The following NEGR1 variants were observed in gnomAD, a reference collection of about 807,000 sequenced individuals.
NEGR1 encodes the protein neuronal growth regulator 1.
NEGR1 carries 10 observed loss-of-function variants against 40.9 expected under a neutral mutation model. That is an observed-to-expected ratio of 0.24 (90% confidence interval 0.15 to 0.42). NEGR1 has a LOEUF of 0.42. Ranked by LOEUF, NEGR1 falls within the 10% of genes least tolerant of loss-of-function variation. The probability of loss-of-function intolerance (pLI) is 1.00; values close to 1 mark genes in which losing one functional copy is unlikely to be tolerated. For missense variants in NEGR1, 352 were observed against 438.9 expected, an observed-to-expected ratio of 0.80 and a Z score of 1.77; for synonymous variants, 185 against 166.8, an observed-to-expected ratio of 1.11 and a Z score of -0.84.
intron 3 of NEGR1, among the ~76,000 whole-genome samples, chr1:71,729,234 C>G (rs536863410): frequency 2.6e-5 from 4 of 152,188 alleles, no homozygotes; most frequent in Admixed American, 1.3e-4. Context: ...TCTGCCTTTA[C>G]AGCTTTGTTC....
At chr1:71,928,145 CACACATATGTATATACGT>C in intron 2 of NEGR1, among the ~76,000 whole-genome samples, 1 of 63,578 alleles carries the variant, frequency 1.6e-5, no homozygotes, top group Non-Finnish European at 3.0e-5. Context: ...TGTATATATA[CACACATATGTATATACGT>C]ATATATGTAT....
chr1:71,535,263 G>T (rs1405260030), intron 6 of NEGR1, among the ~76,000 whole-genome samples: 1 of 151,524 alleles, frequency 6.6e-6, no homozygotes, highest in Non-Finnish European at 1.5e-5. Context: ...CGACTGTTTG[G>T]CTCCCATTGT....
chr1:72,211,538 C>T (rs961842750), intron 1 of NEGR1, among the ~76,000 whole-genome samples: 5 of 151,310 alleles, frequency 3.3e-5, no homozygotes, highest in Non-Finnish European at 7.4e-5. Flanking sequence ...TACAAGCCAG[C>T]TGTCTTCTAT....
In NEGR1 at chr1:71,875,639, C is replaced by T. The variant is rs182115505; in HGVS notation, c.409+59440G>A. ...ATGTTACCTTACTCTTTCAGCCAGG[C>T]ATCCCTGTGCAGCAAACAACCTGAA... is the stretch of plus-strand genomic sequence containing the variant. On this transcript the variant is annotated intron_variant, in intron 2 of 6. Coordinates refer to ENST00000357731, the MANE Select transcript of NEGR1 (RefSeq NM_173808.3). Among the ~76,000 whole-genome samples, 155 of 152,280 alleles carry T rather than the reference C, an allele frequency of 1.0e-3. 1 individual carries two copies. Among genetic ancestry groups the T allele is most frequent in the African/African-American group, 3.4e-3 (141 of 41,568 alleles).
chr1:71,400,728 T>A lies in NEGR1; in HGVS notation c.*6718A>T, dbSNP rs547402901. ...AATGTTAGCAATGAATTTAATTCAA[T>A]GGCTTTAAAAATTTTACATCTCGTC... On this transcript the variant is annotated 3_prime_UTR_variant, in exon 7 of 7. Transcript: ENST00000357731. 6.6e-6 allele frequency: 1 copy of A among 152,164 alleles called. No homozygotes were observed. The highest frequency in any genetic ancestry group is 6.5e-5 in the Admixed American group (1 of 15,276). 9.4% of individuals were successfully genotyped at this position (152,164 alleles called of 1,614,324 possible). A position where few individuals can be genotyped will look rare whatever the true frequency, so the allele number is the denominator to read the frequency against.
intron 2 of NEGR1, among the ~76,000 whole-genome samples, chr1:71,791,144 A>G (rs1289237074): frequency 3.3e-5 from 5 of 152,046 alleles, no homozygotes; most frequent in Non-Finnish European, 7.4e-5. Context: ...GCACTGACAA[A>G]CAATGTCAAT....
intron 1 of NEGR1, among the ~76,000 whole-genome samples, chr1:72,179,598 C>A (rs1483714489): frequency 6.6e-6 from 1 of 151,876 alleles, no homozygotes; most frequent in East Asian, 1.9e-4. Flanking sequence ...CTGTGTTTTG[C>A]AAAGGAAAGT....
chr1:71,743,414 T>C (rs1373009448), intron 3 of NEGR1, among the ~76,000 whole-genome samples: 2 of 152,040 alleles, frequency 1.3e-5, no homozygotes, highest in African/African-American at 2.4e-5. Flanking sequence ...TTGGTTTTTT[T>C]TTTTTCCAAA....
rs576393200 is a variant in NEGR1, at chr1:71,495,722, G to C, written c.941-88152C>G. On this transcript the variant is annotated intron_variant, in intron 6 of 6. Coordinates refer to ENST00000357731, the MANE Select transcript of NEGR1 (RefSeq NM_173808.3). ...AATCTTGTAACTTCTGAGATCAGAA[G>C]ACAATAAAAGAAGGAGAGAGAAGAC... 3.3e-5 allele frequency among the ~76,000 whole-genome samples: 5 copies of C among 152,174 alleles called. No individual in the cohort carries two copies. The South Asian group carries it at 1.0e-3, about 32-fold the overall frequency.
intron 6 of NEGR1, among the ~76,000 whole-genome samples, chr1:71,418,219 G>A (rs1205566294): frequency 6.6e-5 from 10 of 151,186 alleles, no homozygotes; most frequent in African/African-American, 2.4e-4. Flanking sequence ...TAGTTCAATG[G>A]GGAAAAAATG....
At chr1:71,702,120 A>C (rs547020567) in intron 3 of NEGR1, among the ~76,000 whole-genome samples, 1 of 152,192 alleles carries the variant, frequency 6.6e-6, no homozygotes, top group East Asian at 1.9e-4. Context: ...ATTTGTAATA[A>C]TCCAGCAGAG....
chr1:71,919,290 A>T (rs996241388), intron 2 of NEGR1, among the ~76,000 whole-genome samples: 3 of 152,166 alleles, frequency 2.0e-5, no homozygotes, highest in Non-Finnish European at 2.9e-5. Flanking sequence ...TGCAGAAGGG[A>T]TCACCAATAT....
At chr1:71,606,984 T>C (rs919350760) in intron 5 of NEGR1, among the ~76,000 whole-genome samples, 1 of 152,196 alleles carries the variant, frequency 6.6e-6, no homozygotes, top group South Asian at 2.1e-4. Context: ...GCTTTGAAGA[T>C]CTTGATTTAA....
chr1:71,898,906 TATA>T (rs772743245), intron 2 of NEGR1, among the ~76,000 whole-genome samples: 9 of 96,448 alleles, frequency 9.3e-5, no homozygotes, highest in African/African-American at 3.2e-4. Context: ...CAAATATATA[TATA>T]TTGCAAATAT....
intron 2 of NEGR1, among the ~76,000 whole-genome samples, chr1:71,917,937 G>GC (rs1157423857): frequency 6.6e-6 from 1 of 151,198 alleles, no homozygotes; most frequent in African/African-American, 2.4e-5. Flanking sequence ...AACACATCAT[G>GC]CCTGGCGTGG....
intron 4 of NEGR1, among the ~76,000 whole-genome samples, chr1:71,684,600 A>G (rs10889928): frequency 0.34 from 51,148 of 152,110 alleles, 10,017 homozygotes; most frequent in East Asian, 0.48. Flanking sequence ...CCCTGACCTC[A>G]TAATTCTATA....
At chr1:72,237,187 A>G (rs1654576852) in intron 1 of NEGR1, among the ~76,000 whole-genome samples, 1 of 152,028 alleles carries the variant, frequency 6.6e-6, no homozygotes, top group African/African-American at 2.4e-5. Flanking sequence ...TACAAATCAT[A>G]CAAAGCAAGT....
intron 6 of NEGR1, among the ~76,000 whole-genome samples, chr1:71,572,632 A>C (rs1648843038): frequency 2.0e-5 from 3 of 152,192 alleles, no homozygotes; most frequent in Admixed American, 2.0e-4. Context: ...TTTAAATAGC[A>C]GACTTGTGGG....
At chr1:71,928,551 T>C (rs7550750) in intron 2 of NEGR1, among the ~76,000 whole-genome samples, 7 of 89,494 alleles carry the variant, frequency 7.8e-5, no homozygotes, top group Admixed American at 4.9e-4. Flanking sequence ...TATATACACA[T>C]ATGTGTATAT....
Sources: gnomAD v4.1 joint callset for allele counts (sites outside exome capture counted in the v4.1 genomes callset) on GRCh38, gnomAD v4.1.1 for gene constraint, MANE v1.5 for transcripts, NCBI Gene and HGNC (gene_info 2026-07-23, HGNC 2026-07-21) for gene names.